LTK: variants seen among roughly 807,000 people sequenced by gnomAD.
LTK encodes leukocyte tyrosine kinase receptor.
LTK carries 117 observed loss-of-function variants against 101.5 expected under a neutral mutation model. That is an observed-to-expected ratio of 1.15 (90% CI 0.99 to 1.34). The LOEUF (loss-of-function observed/expected upper bound fraction) is 1.34. Among genes scored for constraint, LTK ranks in the 40% most tolerant of loss-of-function variants. LTK has a pLI of 0.00. For missense variants in LTK, 1,252 were observed against 1,164.7 expected, an observed-to-expected ratio of 1.07 and a Z score of -1.09; for synonymous variants, 563 against 494.2, an observed-to-expected ratio of 1.14 and a Z score of -1.85.
Position 41,511,253 on chromosome 15 carries a change from G to C in LTK, c.908C>G (p.Ala303Gly). Residue 303 changes from alanine (A) to glycine (G), a missense_variant, in exon 7 of 20, where the codon GCT (alanine) becomes GGT (glycine). Ala to Gly is a moderately conservative substitution (Grantham distance 60). Coordinates refer to ENST00000263800, the MANE Select transcript of LTK (RefSeq NM_002344.6). The surrounding 1 kb of genome is among the most constrained non-coding windows in gnomAD (Gnocchi z 5.9). ...GAEGGQGCSE[A>G]WATLGWAAAG... ...CGCGGCCCAGCCAAGGGTCGCCCAA[G>C]CCTCGGAGCAGCCCTGGCCGCCCTC... The C allele has an allele frequency of 7.0e-7, 1 of 1,425,706 alleles. No individual in the cohort carries two copies. Among genetic ancestry groups the C allele is most frequent in the Non-Finnish European group, 9.1e-7 (1 of 1,093,680 alleles). 88.3% of individuals were successfully genotyped at this position (1,425,706 alleles called of 1,614,324 possible).
Position 41,504,538 on chromosome 15 carries a change from C to T in LTK, c.2223G>A (p.Arg741=), listed in dbSNP as rs1181737391. ...CTGGGCAGCCCCTAGGAGGGTCCATCCGGCCTCCTCCAACGACGAAGTCCA... is the reference window on the plus strand; with the variant it reads ...CTGGGCAGCCCCTAGGAGGGTCCATTCGGCCTCCTCCAACGACGAAGTCCA... ...EVLDFVVGGG[R]MDPPRGCPGP... is the part of the protein sequence containing the mutation. The change falls in exon 18 of 20, where the codon CGG becomes CGA. Residue 741 remains arginine, a synonymous_variant. Transcript: ENST00000263800. 4.3e-6 allele frequency: 7 copies of T among 1,613,718 alleles called. No homozygotes were observed. The highest frequency in any genetic ancestry group is 1.3e-5 in the African/African-American group (1 of 74,932).
chr15:41,505,174 G>T (rs2051224744), intron 15 of LTK, 34 bp downstream of exon 15: 1 of 1,602,534 alleles, frequency 6.2e-7, no homozygotes, highest in Non-Finnish European at 8.5e-7. Flanking sequence ...AGGGAGTTGG[G>T]ATGGGGGTCC....
At position 41,509,206 on chromosome 15, in the gene LTK, TC is replaced by T. The variant is rs80208760; in HGVS notation, c.998-78del. 4,588 of 879,098 alleles carry T rather than the reference TC, an allele frequency of 5.2e-3. 193 individuals carry two copies. The Admixed American group carries it at 0.067, about 13-fold the overall frequency. 54.5% of individuals were successfully genotyped at this position (879,098 alleles called of 1,614,324 possible). On this transcript the variant is annotated intron_variant, in intron 7 of 19. Transcript: ENST00000263800. Reference sequence around the variant, plus strand: ...AGAAGCTGGAATCTCCCGGTGGAAATCCCAGTGTGGCCCTCTCTTCTCCAGC... The same window carrying T: ...AGAAGCTGGAATCTCCCGGTGGAAATCCAGTGTGGCCCTCTCTTCTCCAGC...
In LTK at chr15:41,512,106, T is replaced by A; in HGVS notation, c.510+9A>T. On this transcript the variant is annotated intron_variant, in intron 4 of 19. Transcript: ENST00000263800. Reference sequence around the variant, plus strand: ...CCGGCGCCGCCCCATCCCCACTGGCTGCGCTCACTCCGGGACAGGCGTCCT... The same window carrying A: ...CCGGCGCCGCCCCATCCCCACTGGCAGCGCTCACTCCGGGACAGGCGTCCT... 6.3e-7 allele frequency: 1 copy of A among 1,591,974 alleles called. No individual in the cohort carries two copies. Among genetic ancestry groups the A allele is most frequent in the Non-Finnish European group, 8.6e-7 (1 of 1,169,220 alleles).
rs1389242374 is a variant in LTK, at chr15:41,505,997, C to T, written c.1550G>A (p.Gly517Asp). ...ATACACCTCCCCAAAGGCACCATGG[C>T]CCAGGGCTCTGCAGGAAGACACGTT... is the stretch of plus-strand genomic sequence containing the variant. ...PANVTLLRAL[G>D]HGAFGEVYEG... Residue 517 changes from glycine (G) to aspartate (D), a missense_variant, in exon 12 of 20, where the codon GGC (glycine) becomes GAC (aspartate). Physicochemically the swap from Gly to Asp is moderately conservative, Grantham distance 94. Transcript: ENST00000263800. 6.2e-7 allele frequency: 1 copy of T among 1,613,336 alleles called. No homozygotes were observed. Among genetic ancestry groups the T allele is most frequent in the South Asian group, 1.1e-5 (1 of 91,068 alleles).
In LTK at chr15:41,508,117, G is replaced by C. The variant is rs765217937; in HGVS notation, c.1201C>G (p.Leu401Val). The change falls in exon 9 of 20, where the codon CTG (leucine) becomes GTG (valine). Residue 401 changes from leucine to valine, a missense_variant. By Grantham distance (32) the Leu-to-Val change is conservative. Transcript: ENST00000263800. The part of the protein sequence containing the change: ...WQAELQLAEC[L>V]CPEGMELAVD... ...GCTAGCTCCATGCCTTCTGGGCACA[G>C]GCATTCAGCCAGCTGGAGCTCTGCC... 12 of 1,613,414 alleles carry C rather than the reference G, an allele frequency of 7.4e-6. No individual in the cohort carries two copies. The South Asian group carries it at 1.3e-4, about 18-fold the overall frequency.
At position 41,508,334 on chromosome 15, in the gene LTK, C is replaced by T. The variant is rs1259209487; in HGVS notation, c.1097-113G>A. On this transcript the variant is annotated intron_variant, in intron 8 of 19. Transcript: ENST00000263800. Reference sequence around the variant, plus strand: ...CTATAATCATTGCACTTTGGGAGGCCGTGGTGAGCGGATCACCGGAGGTCA... The same window carrying T: ...CTATAATCATTGCACTTTGGGAGGCTGTGGTGAGCGGATCACCGGAGGTCA... The T allele has an allele frequency of 1.5e-5, 13 of 858,002 alleles. 1 individual carries two copies. The East Asian group carries it at 2.9e-4, about 19-fold the overall frequency. 53.1% of individuals were successfully genotyped at this position (858,002 alleles called of 1,614,324 possible).
At position 41,505,568 on chromosome 15, in the gene LTK, G is replaced by GAGA. The variant is rs530583243; in HGVS notation, c.1698-41_1698-39dup. On this transcript the variant is annotated intron_variant, in intron 13 of 19. Transcript: ENST00000263800. ...GGGGACATATCCCGTTACCAGGAGG[G>GAGA]AGACGGAAACCATGTTTTAGGCTCC... 1,695 of 1,612,804 alleles carry GAGA rather than the reference G, an allele frequency of 1.1e-3. 15 individuals are homozygous for GAGA. The highest frequency in any genetic ancestry group is 1.0e-4 in the Non-Finnish European group (121 of 1,179,508).
rs759188504 is a variant in LTK at position 41,512,828 on chromosome 15, C to A, written c.238G>T (p.Gly80Trp). ...CCGTCACATTGTGTCTGTGTGGGCCCATGCCGGCCGCTGGCCCCGCAGGTA... is the reference window on the plus strand; with the variant it reads ...CCGTCACATTGTGTCTGTGTGGGCCAATGCCGGCCGCTGGCCCCGCAGGTA... Reference protein sequence around the residue: ...FSTCGASGRHGPTQTQCDGAY... With the variant: ...FSTCGASGRHWPTQTQCDGAY... Residue 80 changes from glycine (G) to tryptophan (W), a missense_variant, in exon 3 of 20, where the codon GGG becomes TGG. Coordinates refer to ENST00000263800, the MANE Select transcript of LTK (RefSeq NM_002344.6). The A allele has an allele frequency of 3.7e-6, 6 of 1,612,500 alleles. No homozygotes were observed. Among genetic ancestry groups the A allele is most frequent in the Non-Finnish European group, 4.2e-6 (5 of 1,179,672 alleles).
chr15:41,508,414 C>T (rs1000590270), intron 8 of LTK, among the ~76,000 whole-genome samples, 193 bp from the exon 9 acceptor site: 20 of 149,872 alleles, frequency 1.3e-4, no homozygotes, highest in Non-Finnish European at 2.5e-4. Context: ...CAAAATTAGC[C>T]GGGTGTGGTG....
At position 41,511,618 on chromosome 15, in the gene LTK, C is replaced by A; in HGVS notation, c.658-40G>T. On this transcript the variant is annotated intron_variant, in intron 5 of 19. Coordinates refer to ENST00000263800, the MANE Select transcript of LTK (RefSeq NM_002344.6). The surrounding 1 kb of genome is among the most constrained non-coding windows in gnomAD (Gnocchi z 5.9). ...GCGTGTTCCAGGAAGCGCCCTCCAG[C>A]TGTCCAGGGGCACTGCCACTGGGAG... 1.4e-6 allele frequency: 2 copies of A among 1,419,584 alleles called. No individual in the cohort carries two copies. The highest frequency in any genetic ancestry group is 3.2e-5 in the Admixed American group (1 of 31,102). The allele number at this position is 1,419,584 out of a possible 1,614,324, so 87.9% of individuals were successfully genotyped here.
At chr15:41,507,789 A>C in intron 9 of LTK, 132 bp from the exon 10 acceptor site, 1 of 983,466 alleles carries the variant, frequency 1.0e-6, no homozygotes, top group East Asian at 2.6e-5. Context: ...TCCTGGGCAA[A>C]AGCAACCTCT....
chr15:41,504,214 T>C lies in LTK; in HGVS notation c.2377A>G (p.Met793Val), dbSNP rs774848671. 3 of 1,611,036 alleles carry C rather than the reference T, an allele frequency of 1.9e-6. No individual in the cohort carries two copies. The highest frequency in any genetic ancestry group is 1.7e-5 in the Admixed American group (1 of 59,858). Residue 793 changes from methionine (M) to valine (V), a missense_variant, in exon 20 of 20, where the codon ATG becomes GTG. By Grantham distance (21) the Met-to-Val change is conservative. Coordinates refer to ENST00000263800, the MANE Select transcript of LTK (RefSeq NM_002344.6). The part of the protein sequence containing the change: ...DPDVLNSLLP[M>V]ELGPTPEEEG... ...TCCTCTGGGGTGGGCCCCAGCTCCA[T>C]TGGCAGGAGTGAATTCAGCACATCC...
In LTK at chr15:41,504,571, C is replaced by G; in HGVS notation, c.2190G>C (p.Gln730His). The G allele has an allele frequency of 6.2e-7, 1 of 1,613,920 alleles. No homozygotes were observed. The highest frequency in any genetic ancestry group is 8.5e-7 in the Non-Finnish European group (1 of 1,180,016). ...CTCCAACGACGAAGTCCAGCACCTC[C>G]TGGTTGGTGCGCCCAGGATAGGGCA... ...GYMPYPGRTN[Q>H]EVLDFVVGGG... Residue 730 changes from glutamine (Q) to histidine (H), a missense_variant, in exon 18 of 20, where the codon CAG becomes CAC. Transcript: ENST00000263800.
At position 41,509,126 on chromosome 15, in the gene LTK, C is replaced by A; in HGVS notation, c.1001G>T (p.Gly334Val). 1.2e-6 allele frequency: 2 copies of A among 1,606,006 alleles called. No homozygotes were observed. Among genetic ancestry groups the A allele is most frequent in the Non-Finnish European group, 1.7e-6 (2 of 1,172,690 alleles). ...GAGGTTGTCAGTCTCTGAAGCGTCG[C>A]CCCCTGGAAGTGGAGAGTGATGGAG... ...AGGGGGGYRG[G>V]DASETDNLWA... The change falls in exon 8 of 20, where the codon GGC becomes GTC. Residue 334 changes from glycine (G) to valine (V), a missense_variant. Coordinates refer to ENST00000263800, the MANE Select transcript of LTK (RefSeq NM_002344.6).
chr15:41,509,481 G>C (rs143780599), intron 7 of LTK, among the ~76,000 whole-genome samples: 1 of 152,192 alleles, frequency 6.6e-6, no homozygotes, highest in Non-Finnish European at 1.5e-5. Flanking sequence ...AGATGACTGG[G>C]ACTCTCCCTT....
At position 41,504,076 on chromosome 15, in the gene LTK, A is replaced by G; in HGVS notation, c.2515T>C (p.Trp839Arg). The change falls in exon 20 of 20, where the codon TGG becomes CGG. Residue 839 changes from tryptophan (W) to arginine (R), a missense_variant. Physicochemically the swap from Trp to Arg is moderately radical, Grantham distance 101. Coordinates refer to ENST00000263800, the MANE Select transcript of LTK (RefSeq NM_002344.6). ...KSWGGSPLGPWLSSGLKPLKS... is the reference protein window; with the variant it reads ...KSWGGSPLGPRLSSGLKPLKS... ...AGGGGCTTGAGGCCAGAGGACAGCC[A>G]GGGGCCAAGAGGGCTACCTCCCCAG... 1 of 1,613,950 alleles carries G rather than the reference A, an allele frequency of 6.2e-7. No individual in the cohort carries two copies. The highest frequency in any genetic ancestry group is 8.5e-7 in the Non-Finnish European group (1 of 1,180,010).
chr15:41,508,982 C>A, intron 8 of LTK, 49 bp downstream of exon 8: 2 of 1,310,238 alleles, frequency 1.5e-6, no homozygotes, highest in Non-Finnish European at 2.2e-6. Context: ...GGCTCAGGGA[C>A]TGCGGAAGAA....
chr15:41,506,056 C>G, intron 11 of LTK, 51 bp from the exon 12 acceptor site: 1 of 1,260,274 alleles, frequency 7.9e-7, no homozygotes, highest in South Asian at 1.2e-5. Context: ...GGAGAAGAGT[C>G]CTAGAGAGTC....
Sources: gnomAD v4.1 joint callset for allele counts (sites outside exome capture counted in the v4.1 genomes callset) on GRCh38, gnomAD v4.1.1 for gene constraint, Gnocchi (gnomAD v3.1) non-coding constraint, MANE v1.5 for transcripts, NCBI Gene and HGNC (gene_info 2026-07-23, HGNC 2026-07-21) for gene names.